Variants in GPC6 observed in about 807,000 individuals in gnomAD.
The protein encoded by GPC6 is glypican-6.
Under a neutral mutation model 55.2 loss-of-function variants are expected in GPC6, and 14 were observed. That is an observed-to-expected ratio of 0.25 (90% CI 0.17 to 0.40). The LOEUF is 0.40. GPC6 is among the 10% of genes least tolerant of loss of function. GPC6 has a pLI of 1.00. For synonymous variants in GPC6, 278 were observed against 259.6 expected, an observed-to-expected ratio of 1.07 and a Z score of -0.68; for missense variants, 641 against 708.5, an observed-to-expected ratio of 0.90 and a Z score of 1.08.
intron 1 of GPC6, among the ~76,000 whole-genome samples, chr13:93,373,989 T>C (rs906792802): frequency 6.6e-6 from 1 of 152,154 alleles, no homozygotes; most frequent in Non-Finnish European, 1.5e-5. Context: ...TAAAATATAA[T>C]TGCTGCCCTT....
In GPC6 at chr13:94,408,013, C is replaced by T. The variant is rs1473688286; in HGVS notation, c.*4796C>T. On this transcript the variant is annotated 3_prime_UTR_variant, in exon 9 of 9. Transcript: ENST00000377047. ...GATCTTATAAATAAAGGAACCCATA[C>T]AAACAAAGGTACCAAGAATACAGCA... is the stretch of plus-strand genomic sequence containing the variant. Among the ~76,000 whole-genome samples, 7 of 152,088 alleles carry T rather than the reference C, an allele frequency of 4.6e-5. No homozygotes were observed. The highest frequency in any genetic ancestry group is 7.4e-5 in the Non-Finnish European group (5 of 67,998).
intron 1 of GPC6, among the ~76,000 whole-genome samples, chr13:93,311,630 G>C (rs1271153719): frequency 6.6e-6 from 1 of 152,110 alleles, no homozygotes; most frequent in Non-Finnish European, 1.5e-5. Context: ...GATTAATTTT[G>C]TGATCCCTGG....
At chr13:93,708,189 G>A (rs1004750035) in intron 2 of GPC6, among the ~76,000 whole-genome samples, 5 of 151,776 alleles carry the variant, frequency 3.3e-5, no homozygotes, top group Admixed American at 1.3e-4. Context: ...TAACATATAT[G>A]TGGGCACTTG....
intron 4 of GPC6, among the ~76,000 whole-genome samples, chr13:94,157,210 T>A (rs1163849994): frequency 2.6e-5 from 4 of 152,304 alleles, no homozygotes; most frequent in Middle Eastern, 6.8e-3. Context: ...TAAAAGGGAA[T>A]GTGTCCCTTC....
chr13:93,800,829 TA>T (rs1290529824), intron 2 of GPC6, among the ~76,000 whole-genome samples: 1 of 152,222 alleles, frequency 6.6e-6, no homozygotes. Context: ...TCATCTCCCA[TA>T]TTTCATATTC....
chr13:93,507,107 C>T (rs1262205623), intron 1 of GPC6, among the ~76,000 whole-genome samples: 1 of 143,566 alleles, frequency 7.0e-6, no homozygotes, highest in Non-Finnish European at 1.5e-5. Flanking sequence ...AGTATATTCA[C>T]ACTCAGACAA....
At chr13:94,240,433 T>A (rs1421440344) in intron 4 of GPC6, among the ~76,000 whole-genome samples, 1 of 152,088 alleles carries the variant, frequency 6.6e-6, no homozygotes, top group African/African-American at 2.4e-5. Flanking sequence ...CTGGAGACAC[T>A]CAATGGCCTT....
chr13:94,231,830 C>T (rs1205433294), intron 4 of GPC6, among the ~76,000 whole-genome samples: 1 of 151,224 alleles, frequency 6.6e-6, no homozygotes, highest in East Asian at 1.9e-4. Flanking sequence ...AAAATGAAAA[C>T]ACAAAAAAAA....
chr13:93,312,156 T>C (rs566109535), intron 1 of GPC6, among the ~76,000 whole-genome samples: 1 of 152,318 alleles, frequency 6.6e-6, no homozygotes, highest in East Asian at 1.9e-4. Context: ...TCTTTTCTTA[T>C]TCCAGGTCTT....
At chr13:93,348,705 T>G (rs1287182329) in intron 1 of GPC6, among the ~76,000 whole-genome samples, 1 of 152,226 alleles carries the variant, frequency 6.6e-6, no homozygotes, top group Non-Finnish European at 1.5e-5. Context: ...TTTGATAGAC[T>G]GCAAAAATAT....
chr13:93,982,009 C>G (rs1403017601), intron 3 of GPC6, among the ~76,000 whole-genome samples: 2 of 152,058 alleles, frequency 1.3e-5, no homozygotes, highest in African/African-American at 2.4e-5. Flanking sequence ...CTGCAGAACC[C>G]CTTCTTTATT....
chr13:94,270,933 C>T (rs1429717428), intron 4 of GPC6, among the ~76,000 whole-genome samples: 1 of 138,844 alleles, frequency 7.2e-6, no homozygotes, highest in Non-Finnish European at 1.5e-5. Context: ...TTTAATGCAG[C>T]CTTATAAAGG....
At chr13:94,167,566 G>A (rs1226016556) in intron 4 of GPC6, among the ~76,000 whole-genome samples, 1 of 152,202 alleles carries the variant, frequency 6.6e-6, no homozygotes, top group Admixed American at 6.5e-5. Context: ...AAGGAATGTG[G>A]AATAGGAGAG....
chr13:93,783,892 A>G (rs1031773822), intron 2 of GPC6, among the ~76,000 whole-genome samples: 2 of 152,182 alleles, frequency 1.3e-5, no homozygotes, highest in African/African-American at 2.4e-5. Context: ...TCAAATGCCC[A>G]TGTAGAATTG....
chr13:93,889,001 A>C (rs1333829446), intron 3 of GPC6, among the ~76,000 whole-genome samples: 1 of 152,178 alleles, frequency 6.6e-6, no homozygotes, highest in East Asian at 1.9e-4. Context: ...TCTGCAATTG[A>C]ACCCAAACAC....
chr13:93,366,744 G>C (rs988380009), intron 1 of GPC6, among the ~76,000 whole-genome samples: 1 of 151,976 alleles, frequency 6.6e-6, no homozygotes, highest in African/African-American at 2.4e-5. Flanking sequence ...ACATTCAAAA[G>C]TTTGAGCAGT....
chr13:93,635,650 T>C (rs1879659842), intron 2 of GPC6, among the ~76,000 whole-genome samples: 1 of 152,206 alleles, frequency 6.6e-6, no homozygotes, highest in Non-Finnish European at 1.5e-5. Flanking sequence ...GCAATCTGTC[T>C]TGCATCAAAG....
At chr13:93,605,162 C>G (rs1594305038) in intron 2 of GPC6, among the ~76,000 whole-genome samples, 1 of 152,116 alleles carries the variant, frequency 6.6e-6, no homozygotes, top group Non-Finnish European at 1.5e-5. Flanking sequence ...TTGGTTTCTG[C>G]ACAGATTATA....
chr13:93,823,089 T>C (rs1887113321), intron 2 of GPC6, among the ~76,000 whole-genome samples: 2 of 152,096 alleles, frequency 1.3e-5, no homozygotes, highest in African/African-American at 4.8e-5. Context: ...GGTCTCGATC[T>C]CCTGGCCTCA....
Sources: allele counts gnomAD v4.1 joint callset (sites outside exome capture counted in the v4.1 genomes callset), GRCh38; gene constraint gnomAD v4.1.1; transcripts MANE v1.5; gene names NCBI Gene and HGNC (gene_info 2026-07-23, HGNC 2026-07-21).